ST6GALNAC3: variants seen among roughly 807,000 people sequenced by gnomAD.
ST6GALNAC3 encodes ST6 N-acetylgalactosaminide alpha-2,6-sialyltransferase 3.
In ST6GALNAC3, 25 loss-of-function variants were observed where a neutral mutation model predicts 32.7. The ratio of observed to expected loss-of-function variants is 0.76; its 90% CI spans 0.56 to 1.07. The LOEUF (loss-of-function observed/expected upper bound fraction) is 1.07. Among genes scored for constraint, ST6GALNAC3 ranks in the 50% least tolerant of loss-of-function variants. The probability of loss-of-function intolerance (pLI) is 0.00; values close to 1 mark genes in which losing one functional copy is unlikely to be tolerated. For missense variants in ST6GALNAC3, 355 were observed against 382.4 expected, an observed-to-expected ratio of 0.93 and a Z score of 0.60; for synonymous variants, 129 against 133.1, an observed-to-expected ratio of 0.97 and a Z score of 0.21.
chr1:76,446,396 G>A (rs1358653537), intron 3 of ST6GALNAC3, among the ~76,000 whole-genome samples: 1 of 152,044 alleles, frequency 6.6e-6, no homozygotes, highest in Non-Finnish European at 1.5e-5. Flanking sequence ...TACTTCTTAA[G>A]GATCTGGACA....
intron 3 of ST6GALNAC3, among the ~76,000 whole-genome samples, chr1:76,615,123 A>G (rs1165677991): frequency 6.6e-6 from 1 of 152,128 alleles, no homozygotes; most frequent in Non-Finnish European, 1.5e-5. Context: ...TTGGTGCTTC[A>G]ATGATAAGGA....
intron 3 of ST6GALNAC3, among the ~76,000 whole-genome samples, chr1:76,561,838 A>C: frequency 6.6e-6 from 1 of 152,342 alleles, no homozygotes; most frequent in South Asian, 2.1e-4. Context: ...TTACAGTCAA[A>C]GAGTGGAAGG....
intron 3 of ST6GALNAC3, among the ~76,000 whole-genome samples, chr1:76,598,290 A>G (rs1237126146): frequency 6.6e-6 from 1 of 152,124 alleles, no homozygotes; most frequent in Non-Finnish European, 1.5e-5. Flanking sequence ...TATAGCCATA[A>G]CCAGATGTTT....
intron 2 of ST6GALNAC3, among the ~76,000 whole-genome samples, chr1:76,395,030 T>C (rs903082160): frequency 1.3e-5 from 2 of 152,234 alleles, no homozygotes; most frequent in African/African-American, 4.8e-5. Context: ...TGGTTTGACT[T>C]AAAGTCCTCT....
intron 3 of ST6GALNAC3, among the ~76,000 whole-genome samples, chr1:76,544,010 A>C (rs1435815279): frequency 6.6e-6 from 1 of 151,832 alleles, no homozygotes; most frequent in Non-Finnish European, 1.5e-5. Context: ...AATCAAAGCT[A>C]GATATAGCCC....
intron 1 of ST6GALNAC3, among the ~76,000 whole-genome samples, chr1:76,133,397 G>A (rs1030493463): frequency 2.0e-5 from 3 of 152,134 alleles, no homozygotes; most frequent in Admixed American, 6.5e-5. Flanking sequence ...TTGAGCCATC[G>A]GTGTATCAGC....
intron 3 of ST6GALNAC3, among the ~76,000 whole-genome samples, chr1:76,440,730 C>T (rs1472762851): frequency 6.6e-6 from 1 of 151,990 alleles, no homozygotes; most frequent in South Asian, 2.1e-4. Context: ...CCCTGTCTGG[C>T]AATAATTGGG....
chr1:76,472,592 A>T (rs888153766), intron 3 of ST6GALNAC3, among the ~76,000 whole-genome samples: 2 of 152,146 alleles, frequency 1.3e-5, no homozygotes, highest in African/African-American at 4.8e-5. Context: ...TAGGCATGTT[A>T]CCAAAGCGCT....
At chr1:76,258,789 T>C (rs2100721448) in intron 1 of ST6GALNAC3, among the ~76,000 whole-genome samples, 1 of 152,248 alleles carries the variant, frequency 6.6e-6, no homozygotes, top group African/African-American at 2.4e-5. Context: ...CCAAATGAAG[T>C]GTTCAGATTC....
intron 1 of ST6GALNAC3, among the ~76,000 whole-genome samples, chr1:76,256,918 C>T (rs72998553): frequency 0.026 from 3,903 of 152,158 alleles, 161 homozygotes; most frequent in African/African-American, 0.09. Flanking sequence ...TTCAGGGCTA[C>T]TGATTATATT....
At chr1:76,490,353 AG>A (rs1389921391) in intron 3 of ST6GALNAC3, among the ~76,000 whole-genome samples, 2 of 151,976 alleles carry the variant, frequency 1.3e-5, no homozygotes, top group African/African-American at 4.8e-5. Flanking sequence ...TGCATTTAGT[AG>A]GTTGGCCTTG....
intron 1 of ST6GALNAC3, among the ~76,000 whole-genome samples, chr1:76,239,807 C>G (rs1656868213): frequency 6.6e-6 from 1 of 152,134 alleles, no homozygotes; most frequent in South Asian, 2.1e-4. Flanking sequence ...AACTTCCAAC[C>G]ACAACTTTGT....
chr1:76,552,146 C>T (rs541608236), intron 3 of ST6GALNAC3, among the ~76,000 whole-genome samples: 1 of 152,306 alleles, frequency 6.6e-6, no homozygotes, highest in South Asian at 2.1e-4. Context: ...GTGTGGGACC[C>T]AATGTGAGCT....
chr1:76,628,571 C>A, intron 4 of ST6GALNAC3, 49 bp from the exon 5 acceptor site: 6 of 1,500,112 alleles, frequency 4.0e-6, no homozygotes, highest in Non-Finnish European at 5.3e-6. Context: ...ATGAGTGCTT[C>A]ATTCTTCATC....
intron 1 of ST6GALNAC3, among the ~76,000 whole-genome samples, chr1:76,188,245 C>T (rs1557682822): frequency 1.3e-5 from 2 of 151,932 alleles, no homozygotes; most frequent in South Asian, 4.2e-4. Context: ...GCCTGTAATC[C>T]CAGTTACTCA....
chr1:76,216,287 C>T (rs1655458248), intron 1 of ST6GALNAC3, among the ~76,000 whole-genome samples: 1 of 152,166 alleles, frequency 6.6e-6, no homozygotes. Flanking sequence ...GACACAGACT[C>T]ACACACACAA....
At chr1:76,289,711 T>C (rs1026587118) in intron 1 of ST6GALNAC3, among the ~76,000 whole-genome samples, 7 of 152,230 alleles carry the variant, frequency 4.6e-5, no homozygotes, top group Admixed American at 2.0e-4. Context: ...GTTTACATGT[T>C]GTACTTGGAG....
At chr1:76,426,284 C>A (rs143402323) in intron 3 of ST6GALNAC3, among the ~76,000 whole-genome samples, 2,478 of 151,956 alleles carry the variant, frequency 0.016, 31 homozygotes, top group Non-Finnish European at 0.025. Flanking sequence ...TACCTCTCTG[C>A]CCCCTCAAAT....
At chr1:76,102,798 C>T (rs1051643889) in intron 1 of ST6GALNAC3, among the ~76,000 whole-genome samples, 4 of 151,656 alleles carry the variant, frequency 2.6e-5, no homozygotes, top group Admixed American at 2.6e-4. Context: ...TTTCTTTGTT[C>T]TTCATTTTAT....
Sources: allele counts gnomAD v4.1 joint callset (sites outside exome capture counted in the v4.1 genomes callset), GRCh38; gene constraint gnomAD v4.1.1; transcripts MANE v1.5; gene names NCBI Gene and HGNC (gene_info 2026-07-23, HGNC 2026-07-21).